Variants in PCDHA2 observed in about 807,000 individuals in gnomAD.
PCDHA2 encodes protocadherin alpha 2.
In PCDHA2, 58 loss-of-function variants were observed where a neutral mutation model predicts 66.0. The ratio of observed to expected loss-of-function variants is 0.88; its 90% CI spans 0.71 to 1.09. The LOEUF is 1.09. PCDHA2 is among the 50% of genes least tolerant of loss of function. The probability of loss-of-function intolerance (pLI) is 0.00; values close to 1 mark genes in which losing one functional copy is unlikely to be tolerated. For synonymous variants in PCDHA2, 634 were observed against 554.0 expected (o/e 1.14, Z -2.03); for missense variants, 1,267 against 1,242.3 (o/e 1.02, Z -0.30).
chr5:140,832,092 A>T, intron 1 of PCDHA2, among the ~76,000 whole-genome samples: 1 of 152,240 alleles, frequency 6.6e-6, no homozygotes, highest in East Asian at 1.9e-4. Flanking sequence ...TTTAAATGCC[A>T]TGTTCTACAT....
intron 3 of PCDHA2, among the ~76,000 whole-genome samples, chr5:140,996,580 C>T (rs1351485354): frequency 6.6e-6 from 1 of 152,130 alleles, no homozygotes; most frequent in African/African-American, 2.4e-5. Context: ...AATTTGTTAA[C>T]AAGGGCCGCC....
rs2150240136 is a variant in PCDHA2, at chr5:140,835,634, T to G, written c.2388+38282T>G. 6.8e-6 allele frequency: 11 copies of G among 1,613,690 alleles called. No homozygotes were observed. The highest frequency in any genetic ancestry group is 1.1e-5 in the South Asian group (1 of 91,070). On this transcript the variant is annotated intron_variant, in intron 1 of 3. Transcript: ENST00000526136. The stretch of plus-strand genomic sequence containing the variant: ...TGGACAGCGCTCTGGACCGCGAGAG[T>G]GTGTCCGCCTATGAGCTGGTGGTTA...
rs529738408 is a variant in PCDHA2 at position 140,807,767 on chromosome 5, C to A, written c.2388+10415C>A. The A allele has an allele frequency of 2.4e-5, 38 of 1,614,130 alleles. No individual in the cohort carries two copies. The South Asian group carries it at 3.8e-4, about 16-fold the overall frequency. ...TGACGAGCTGGTAAAAGGTCTTGGG[C>A]TTATATTACGGAAATCTTTAGACAG... On this transcript the variant is annotated intron_variant, in intron 1 of 3. Transcript: ENST00000526136.
intron 1 of PCDHA2, chr5:140,828,196 A>C (rs200011304): frequency 1.8e-4 from 283 of 1,613,856 alleles, no homozygotes; most frequent in East Asian, 4.2e-4. Context: ...ACTACTCCGT[A>C]CCCGAGGAGG....
At chr5:140,823,487 G>A (rs150930880) in intron 1 of PCDHA2, 1 of 1,613,144 alleles carries the variant, frequency 6.2e-7, no homozygotes, top group East Asian at 2.2e-5. Context: ...CGAGTGGGTG[G>A]CACCGGCGGC....
In PCDHA2 at chr5:140,795,178, G is replaced by A. The variant is rs200571163; in HGVS notation, c.214G>A (p.Gly72Arg). 4.3e-6 allele frequency: 7 copies of A among 1,613,966 alleles called. No individual in the cohort carries two copies. Among genetic ancestry groups the A allele is most frequent in the African/African-American group, 1.3e-5 (1 of 74,934 alleles). Residue 72 changes from glycine (G) to arginine (R), a missense_variant, in exon 1 of 4, where the codon GGG becomes AGG. By Grantham distance (125) the Gly-to-Arg change is moderately radical. Coordinates refer to ENST00000526136, the MANE Select transcript of PCDHA2 (RefSeq NM_018905.3). ...RLFRVASKRH[G>R]DLLEVNLQNG... ...GTTCCGGGTGGCGTCCAAAAGACAC[G>A]GGGACCTTCTGGAGGTAAATCTGCA...
At chr5:140,844,931 A>G (rs1262967576) in intron 1 of PCDHA2, among the ~76,000 whole-genome samples, 1 of 149,362 alleles carries the variant, frequency 6.7e-6, no homozygotes, top group Non-Finnish European at 1.5e-5. Flanking sequence ...GAAGGGAATG[A>G]ACGATTTCTG....
chr5:140,973,666 A>G (rs531003588), intron 1 of PCDHA2, among the ~76,000 whole-genome samples: 8 of 152,322 alleles, frequency 5.3e-5, no homozygotes, highest in African/African-American at 1.9e-4. Flanking sequence ...TATTTATTGT[A>G]GCTTGAATGT....
intron 1 of PCDHA2, chr5:140,854,159 C>CAA (rs59855104): frequency 0.094 from 31,914 of 338,462 alleles, 1,044 homozygotes; most frequent in African/African-American, 0.16. Flanking sequence ...GATTCTGTCT[C>CAA]AAAAAAAAAA....
At chr5:140,979,836 T>C (rs1463731318) in intron 2 of PCDHA2, among the ~76,000 whole-genome samples, 2 of 152,216 alleles carry the variant, frequency 1.3e-5, no homozygotes, top group Non-Finnish European at 2.9e-5. Flanking sequence ...GAAGAAATAA[T>C]CTTCAAACTT....
In PCDHA2 at chr5:140,802,587, G is replaced by C. The variant is rs781821131; in HGVS notation, c.2388+5235G>C. The C allele has an allele frequency of 6.2e-7, 1 of 1,614,126 alleles. No individual in the cohort carries two copies. The highest frequency in any genetic ancestry group is 1.1e-5 in the South Asian group (1 of 91,088). On this transcript the variant is annotated intron_variant, in intron 1 of 3. Transcript: ENST00000526136. ...CTCGCAGTCCGAGTACACGGTGTTC[G>C]TGAAGGAGAACAACCCGCCGGGCTG...
intron 1 of PCDHA2, among the ~76,000 whole-genome samples, chr5:140,964,670 G>A (rs2095847592): frequency 6.6e-6 from 1 of 151,912 alleles, no homozygotes; most frequent in Non-Finnish European, 1.5e-5. Context: ...CACAGGCCAG[G>A]TCCACAATTT....
At chr5:140,876,607 T>C in intron 1 of PCDHA2, 1 of 1,614,186 alleles carries the variant, frequency 6.2e-7, no homozygotes, top group Non-Finnish European at 8.5e-7. Flanking sequence ...GGATCGTGAC[T>C]CTGGAGCCAA....
In PCDHA2 at chr5:140,843,548, A is replaced by G. The variant is rs2150362453; in HGVS notation, c.2388+46196A>G. ...GGGCAAGCCCACTCTGGTGTGCTCC[A>G]GTGCGGTGGGGAGCTGGTCATACTC... On this transcript the variant is annotated intron_variant, in intron 1 of 3. Coordinates refer to ENST00000526136, the MANE Select transcript of PCDHA2 (RefSeq NM_018905.3). 4 of 1,595,966 alleles carry G rather than the reference A, an allele frequency of 2.5e-6. 1 individual carries two copies. The South Asian group carries it at 4.4e-5, about 18-fold the overall frequency.
At chr5:140,864,331 T>C (rs2048422342) in intron 1 of PCDHA2, 1 of 152,248 alleles carries the variant, frequency 6.6e-6, no homozygotes, top group Admixed American at 6.5e-5. Flanking sequence ...CATAATTATT[T>C]GAGTTTAAAA....
Position 140,823,401 on chromosome 5 carries a change from G to A in PCDHA2, c.2388+26049G>A, listed in dbSNP as rs2150125561. 1.6e-5 allele frequency: 25 copies of A among 1,612,904 alleles called. 1 individual carries two copies. The South Asian group carries it at 2.2e-4, about 14-fold the overall frequency. On this transcript the variant is annotated intron_variant, in intron 1 of 3. Coordinates refer to ENST00000526136, the MANE Select transcript of PCDHA2 (RefSeq NM_018905.3). Reference sequence around the variant, plus strand: ...TGAGCGCGCGCGACGCGGGCGTGCCGCCTCTGGGCAGCAACGTGACGCTGC... The same window carrying A: ...TGAGCGCGCGCGACGCGGGCGTGCCACCTCTGGGCAGCAACGTGACGCTGC...
intron 1 of PCDHA2, among the ~76,000 whole-genome samples, chr5:140,806,777 C>T (rs1364833284): frequency 1.3e-5 from 2 of 152,176 alleles, no homozygotes; most frequent in Non-Finnish European, 1.5e-5. Context: ...TACTTAAAAC[C>T]TGTGTTGAAA....
At position 140,838,745 on chromosome 5, in the gene PCDHA2, G is replaced by A. The variant is rs12655588; in HGVS notation, c.2388+41393G>A. Among the ~76,000 whole-genome samples the A allele has an allele frequency of 3.5e-3, 537 of 152,028 alleles. 21 individuals are homozygous for A. In the East Asian group the frequency reaches 0.074, roughly 21 times the overall value. On this transcript the variant is annotated intron_variant, in intron 1 of 3. Coordinates refer to ENST00000526136, the MANE Select transcript of PCDHA2 (RefSeq NM_018905.3). ...CAGTCTAGTAGTTTGAGACCAGCTT[G>A]TGCATCTTTTGTAGAGACTTTGTAA...
intron 1 of PCDHA2, among the ~76,000 whole-genome samples, chr5:140,953,973 C>T (rs958351959): frequency 6.6e-5 from 10 of 152,036 alleles, no homozygotes; most frequent in Non-Finnish European, 1.3e-4. Context: ...GTGTGTTGTT[C>T]CCCTTCATAT....
Sources: allele counts gnomAD v4.1 joint callset (sites outside exome capture counted in the v4.1 genomes callset), GRCh38; gene constraint gnomAD v4.1.1; transcripts MANE v1.5; gene names NCBI Gene and HGNC (gene_info 2026-07-23, HGNC 2026-07-21).